Variants in ERC2 observed in about 807,000 individuals in gnomAD.
ERC2 encodes the protein ELKS/RAB6-interacting/CAST family member 2.
A neutral mutation model predicts 114.8 loss-of-function variants in ERC2; 42 were observed. The ratio of observed to expected loss-of-function variants is 0.37; its 90% CI spans 0.29 to 0.47. The LOEUF is 0.47. Among genes scored for constraint, ERC2 ranks in the 20% least tolerant of loss-of-function variants. ERC2 has a pLI of 0.99. For synonymous variants in ERC2, 454 were observed against 425.5 expected (o/e 1.07, Z -0.82); for missense variants, 939 against 1,150.7 (o/e 0.82, Z 2.66).
chr3:56,086,363 C>T (rs2077501953), intron 6 of ERC2, among the ~76,000 whole-genome samples: 1 of 152,032 alleles, frequency 6.6e-6, no homozygotes, highest in South Asian at 2.1e-4. Context: ...CTGAGGTCTT[C>T]TGTTTGGGGG....
chr3:56,364,785 C>T (rs1157282738), intron 2 of ERC2, among the ~76,000 whole-genome samples: 1 of 152,220 alleles, frequency 6.6e-6, no homozygotes, highest in Non-Finnish European at 1.5e-5. Context: ...CGTTGGGGCT[C>T]ATAACACATG....
chr3:55,831,656 G>A (rs1414038248), intron 14 of ERC2, among the ~76,000 whole-genome samples: 5 of 152,254 alleles, frequency 3.3e-5, no homozygotes, highest in Middle Eastern at 3.4e-3. Flanking sequence ...GAACAACTCC[G>A]GTCTACAGCT....
At chr3:56,227,742 C>T (rs1010632359) in intron 3 of ERC2, among the ~76,000 whole-genome samples, 1 of 152,178 alleles carries the variant, frequency 6.6e-6, no homozygotes, top group East Asian at 1.9e-4. Context: ...AACGATTTAG[C>T]AGTATCTACC....
rs530766505 is a variant in ERC2, at chr3:55,511,670, AT to A, written c.*40-395del. ...CTACAATGATGATGTTTTTAAAATTATTTTTTAACTTGATTTTATGGAGATT... is the reference window on the plus strand; with the variant it reads ...CTACAATGATGATGTTTTTAAAATTATTTTTAACTTGATTTTATGGAGATT... On this transcript the variant is annotated intron_variant, in intron 17 of 17. Transcript: ENST00000288221. 7.2e-5 allele frequency among the ~76,000 whole-genome samples: 11 copies of A among 152,262 alleles called. No individual in the cohort carries two copies. The East Asian group carries it at 2.1e-3, about 29-fold the overall frequency.
chr3:55,606,200 AG>A (rs1395512647), intron 17 of ERC2, among the ~76,000 whole-genome samples: 1 of 152,180 alleles, frequency 6.6e-6, no homozygotes, highest in Non-Finnish European at 1.5e-5. Flanking sequence ...TTCAGTAGGA[AG>A]CTCTCTGGCC....
chr3:56,387,816 T>A (rs1425050698), intron 2 of ERC2, among the ~76,000 whole-genome samples: 1 of 152,194 alleles, frequency 6.6e-6, no homozygotes, highest in African/African-American at 2.4e-5. Flanking sequence ...CATGATTGGA[T>A]AAGGAGACAG....
intron 2 of ERC2, among the ~76,000 whole-genome samples, chr3:56,360,974 T>C (rs2058934608): frequency 6.6e-6 from 1 of 152,172 alleles, no homozygotes; most frequent in South Asian, 2.1e-4. Context: ...GAAATGGGCA[T>C]CCACTATTGG....
chr3:55,687,040 G>A (rs1390017498), intron 16 of ERC2, among the ~76,000 whole-genome samples: 2 of 152,162 alleles, frequency 1.3e-5, no homozygotes, highest in African/African-American at 4.8e-5. Context: ...CAGGGATGAC[G>A]TGACAGACAA....
intron 1 of ERC2, among the ~76,000 whole-genome samples, chr3:56,440,067 A>C (rs1377566018): frequency 1.3e-5 from 2 of 152,244 alleles, no homozygotes; most frequent in Non-Finnish European, 2.9e-5. Flanking sequence ...TAATTGGCTT[A>C]TTAGTTTTTC....
intron 2 of ERC2, among the ~76,000 whole-genome samples, chr3:56,376,398 C>A (rs1321579055): frequency 8.6e-5 from 13 of 151,926 alleles, no homozygotes; most frequent in Admixed American, 7.2e-4. Context: ...TGGAAACCAT[C>A]CCTCTCAATG....
At chr3:56,453,909 C>T (rs1305825802) in intron 1 of ERC2, among the ~76,000 whole-genome samples, 23 of 152,130 alleles carry the variant, frequency 1.5e-4, no homozygotes, top group Non-Finnish European at 5.9e-5. Flanking sequence ...CTCGTATGAT[C>T]AGTACACATG....
intron 1 of ERC2, among the ~76,000 whole-genome samples, chr3:56,442,313 C>T (rs973669300): frequency 6.6e-6 from 1 of 152,140 alleles, no homozygotes; most frequent in Non-Finnish European, 1.5e-5. Flanking sequence ...CTCTGTCTCC[C>T]AGGCTCAAGT....
chr3:56,404,549 T>C (rs1248237668), intron 2 of ERC2, among the ~76,000 whole-genome samples: 1 of 152,182 alleles, frequency 6.6e-6, no homozygotes, highest in Non-Finnish European at 1.5e-5. Context: ...ATAATAATTG[T>C]ACATTTTAAA....
chr3:55,986,388 G>A (rs182486870), intron 11 of ERC2, among the ~76,000 whole-genome samples: 3 of 152,294 alleles, frequency 2.0e-5, no homozygotes, highest in Admixed American at 6.5e-5. Flanking sequence ...AAACTACTAA[G>A]GTATTAGACC....
intron 14 of ERC2, among the ~76,000 whole-genome samples, chr3:55,856,491 C>T (rs1002145539): frequency 6.7e-6 from 1 of 149,616 alleles, no homozygotes; most frequent in Non-Finnish European, 1.5e-5. Context: ...AAGAAGACTA[C>T]AGACAATGAA....
At chr3:56,352,175 C>A (rs1447860822) in intron 2 of ERC2, among the ~76,000 whole-genome samples, 1 of 152,118 alleles carries the variant, frequency 6.6e-6, no homozygotes, top group African/African-American at 2.4e-5. Flanking sequence ...AATCTAGAGA[C>A]AATGTAGATA....
intron 3 of ERC2, among the ~76,000 whole-genome samples, chr3:56,264,292 G>A (rs1315497009): frequency 1.3e-5 from 2 of 152,152 alleles, no homozygotes; most frequent in African/African-American, 4.8e-5. Context: ...AATATTGGAA[G>A]TACTAGCAAG....
chr3:55,632,252 C>T (rs1032349752), intron 17 of ERC2, among the ~76,000 whole-genome samples: 2 of 152,218 alleles, frequency 1.3e-5, no homozygotes, highest in African/African-American at 2.4e-5. Flanking sequence ...TGCAGAGCTG[C>T]CAAGTGGCAA....
intron 1 of ERC2, among the ~76,000 whole-genome samples, chr3:56,440,704 A>T (rs551971814): frequency 6.6e-6 from 1 of 152,200 alleles, no homozygotes; most frequent in African/African-American, 2.4e-5. Context: ...TTAAGTGTGT[A>T]TGTGTGTGTG....
Sources: gnomAD v4.1 joint callset for allele counts (sites outside exome capture counted in the v4.1 genomes callset) on GRCh38, gnomAD v4.1.1 for gene constraint, MANE v1.5 for transcripts, NCBI Gene and HGNC (gene_info 2026-07-23, HGNC 2026-07-21) for gene names.